ALDH1L2: variants seen among roughly 807,000 people sequenced by gnomAD.
The protein encoded by ALDH1L2 is mitochondrial 10-formyltetrahydrofolate dehydrogenase.
Under a neutral mutation model 111.0 loss-of-function variants are expected in ALDH1L2, and 91 were observed. The observed-to-expected ratio is 0.82, with a 90% CI of 0.69 to 0.98. The LOEUF is 0.98. Among genes scored for constraint, ALDH1L2 ranks in the 50% least tolerant of loss-of-function variants. The pLI is 0.00. For synonymous variants in ALDH1L2, 374 were observed against 392.6 expected (o/e 0.95, Z 0.56); for missense variants, 995 against 1,126.8 (o/e 0.88, Z 1.67).
chr12:105,048,446 G>C (rs1172762677), intron 13 of ALDH1L2: 1 of 152,150 alleles, frequency 6.6e-6, no homozygotes, highest in East Asian at 1.9e-4. Flanking sequence ...AAAGGTACTG[G>C]GAAGGTAAGA....
chr12:105,064,598 G>A (rs1877234094), intron 6 of ALDH1L2, among the ~76,000 whole-genome samples: 1 of 152,150 alleles, frequency 6.6e-6, no homozygotes, highest in South Asian at 2.1e-4. Context: ...AGTGTTGGGG[G>A]GAATAAAGAG....
At chr12:105,084,063 A>G (rs1296740932) in intron 1 of ALDH1L2, among the ~76,000 whole-genome samples, 2 of 152,110 alleles carry the variant, frequency 1.3e-5, no homozygotes, top group African/African-American at 4.8e-5. Flanking sequence ...AAGGAAAGGA[A>G]GCAGACTCTG....
intron 15 of ALDH1L2, among the ~76,000 whole-genome samples, chr12:105,045,824 A>ATC (rs1875811059): frequency 1.1e-5 from 1 of 87,616 alleles, no homozygotes; most frequent in Non-Finnish European, 2.1e-5. Context: ...ACAAATTATA[A>ATC]ACTTCTAGAA....
chr12:105,036,084 G>GTA (rs1490958837), intron 18 of ALDH1L2, among the ~76,000 whole-genome samples: 3 of 54,088 alleles, frequency 5.5e-5, no homozygotes, highest in African/African-American at 3.3e-4. Context: ...TTATATATGT[G>GTA]TATATATTAT....
At chr12:105,072,467 T>G (rs1263853354) in intron 2 of ALDH1L2, 4 of 152,048 alleles carry the variant, frequency 2.6e-5, no homozygotes, top group African/African-American at 9.7e-5. Context: ...TAGCCCCTGA[T>G]CAATCCGTTT....
intron 15 of ALDH1L2, among the ~76,000 whole-genome samples, chr12:105,041,259 T>C (rs1875515631): frequency 6.6e-6 from 1 of 152,256 alleles, no homozygotes; most frequent in Non-Finnish European, 1.5e-5. Context: ...CTCAGTTCTC[T>C]TTTCTATTTC....
chr12:105,024,426 A>G lies in ALDH1L2; in HGVS notation c.2770T>C (p.Ter924GlnextTer49), dbSNP rs1197332126. ...LKTKTVTLEY[*>Q] Reference sequence around the variant, plus strand: ...GCTTTCCTGATGATGGTGTTGCTCTAATATTCCAGTGTCACCGTCTTGGTT... The same window carrying G: ...GCTTTCCTGATGATGGTGTTGCTCTGATATTCCAGTGTCACCGTCTTGGTT... Residue 924 changes from the stop codon to glutamine (Q), a stop_lost, in exon 23 of 23, where the codon TAG becomes CAG. Coordinates refer to ENST00000258494, the MANE Select transcript of ALDH1L2 (RefSeq NM_001034173.4). 8 of 1,613,958 alleles carry G rather than the reference A, an allele frequency of 5.0e-6. No homozygotes were observed. The highest frequency in any genetic ancestry group is 6.8e-6 in the Non-Finnish European group (8 of 1,179,912).
intron 2 of ALDH1L2, among the ~76,000 whole-genome samples, chr12:105,073,552 C>G (rs1362976041): frequency 6.6e-6 from 1 of 152,208 alleles, no homozygotes; most frequent in Non-Finnish European, 1.5e-5. Context: ...CCCCCTTCAT[C>G]CTTTAGCAAT....
At chr12:105,061,818 G>T in intron 7 of ALDH1L2, 66 bp from the exon 8 acceptor site, 1 of 1,592,086 alleles carries the variant, frequency 6.3e-7, no homozygotes, top group Non-Finnish European at 8.6e-7. Context: ...TGAGGCTGGT[G>T]GGAGGAGTCC....
chr12:105,064,017 G>A (rs1487385554), intron 6 of ALDH1L2, among the ~76,000 whole-genome samples: 1 of 138,130 alleles, frequency 7.2e-6, no homozygotes, highest in Non-Finnish European at 1.5e-5. Flanking sequence ...CCAGGCTGGT[G>A]CAATCTCGCT....
chr12:105,026,367 G>T (rs1279679123), intron 22 of ALDH1L2, among the ~76,000 whole-genome samples, 178 bp downstream of exon 22: 1 of 152,258 alleles, frequency 6.6e-6, no homozygotes, highest in East Asian at 1.9e-4. Flanking sequence ...TTTTCTGTAT[G>T]TATGGTATAT....
intron 3 of ALDH1L2, among the ~76,000 whole-genome samples, chr12:105,070,033 T>G (rs933388819): frequency 6.6e-6 from 1 of 152,110 alleles, no homozygotes; most frequent in Non-Finnish European, 1.5e-5. Flanking sequence ...AAAAAAAAAG[T>G]TCTGTGGTCA....
At position 105,068,825 on chromosome 12, in the gene ALDH1L2, AAGCCATCATCAGCCC is replaced by A; in HGVS notation, c.473_487del (p.Trp158_Gly162del). The stretch of plus-strand genomic sequence containing the variant: ...CTGAAGAAGGATGGGTCCTGTATCC[AAGCCATCATCAGCCC>A]AGAAAACAGAAAACCCAGCTTTCTT... On this transcript the variant is annotated inframe_deletion, in exon 4 of 23. Coordinates refer to ENST00000258494, the MANE Select transcript of ALDH1L2 (RefSeq NM_001034173.4). 6.2e-7 allele frequency: 1 copy of A among 1,607,438 alleles called. No individual in the cohort carries two copies. Among genetic ancestry groups the A allele is most frequent in the Non-Finnish European group, 8.5e-7 (1 of 1,177,054 alleles).
intron 10 of ALDH1L2, among the ~76,000 whole-genome samples, chr12:105,053,781 G>A (rs1305197114): frequency 6.6e-6 from 1 of 151,828 alleles, no homozygotes; most frequent in Non-Finnish European, 1.5e-5. Flanking sequence ...ATCATTCTTG[G>A]AATATGCTGA....
intron 6 of ALDH1L2, among the ~76,000 whole-genome samples, chr12:105,064,380 C>T (rs546824761): frequency 6.6e-6 from 1 of 152,144 alleles, no homozygotes; most frequent in Admixed American, 6.5e-5. Flanking sequence ...GGTTAAGAAA[C>T]CTGCCCGAGG....
intron 1 of ALDH1L2, among the ~76,000 whole-genome samples, chr12:105,083,632 T>C (rs10861347): frequency 0.75 from 113,105 of 150,934 alleles, 42,638 homozygotes; most frequent in East Asian, 1. Flanking sequence ...TTTTTTTTTT[T>C]TCTCTCTCTC....
chr12:105,077,048 T>C (rs1172740167), intron 1 of ALDH1L2, among the ~76,000 whole-genome samples: 1 of 152,110 alleles, frequency 6.6e-6, no homozygotes, highest in East Asian at 1.9e-4. Flanking sequence ...CCCCTCCTAC[T>C]TTAGAAAAAG....
At chr12:105,038,258 T>C in intron 17 of ALDH1L2, 56 bp from the exon 18 acceptor site, 1 of 707,706 alleles carries the variant, frequency 1.4e-6, no homozygotes, top group Non-Finnish European at 2.3e-6. Context: ...TCTCTCTCTC[T>C]CTCACACACA....
At chr12:105,061,213 C>T (rs1004464459) in intron 8 of ALDH1L2, 141 bp from the exon 9 acceptor site, 7 of 744,430 alleles carry the variant, frequency 9.4e-6, no homozygotes, top group African/African-American at 1.8e-5. Flanking sequence ...TTCTCAGCGC[C>T]TCTCCAAGTT....
Sources: gnomAD v4.1 joint callset for allele counts (sites outside exome capture counted in the v4.1 genomes callset) on GRCh38, gnomAD v4.1.1 for gene constraint, MANE v1.5 for transcripts, NCBI Gene and HGNC (gene_info 2026-07-23, HGNC 2026-07-21) for gene names.